Variants in GLG1 observed in about 807,000 individuals in gnomAD.
The protein encoded by GLG1 is Golgi apparatus protein 1.
Under a neutral mutation model 160.5 loss-of-function variants are expected in GLG1, and 38 were observed. The ratio of observed to expected loss-of-function variants is 0.24; its 90% CI spans 0.18 to 0.31. The LOEUF (loss-of-function observed/expected upper bound fraction) is 0.31. Among genes scored for constraint, GLG1 ranks in the 10% least tolerant of loss-of-function variants. The pLI, the probability that GLG1 is intolerant of heterozygous loss-of-function variation, is 1.00. For synonymous variants in GLG1, 644 were observed against 543.4 expected, an observed-to-expected ratio of 1.19 and a Z score of -2.57; for missense variants, 1,373 against 1,505.2, an observed-to-expected ratio of 0.91 and a Z score of 1.45.
chr16:74,578,281 A>G (rs1957860599), intron 1 of GLG1, among the ~76,000 whole-genome samples: 1 of 152,198 alleles, frequency 6.6e-6, no homozygotes, highest in African/African-American at 2.4e-5. Flanking sequence ...TGTAGAACTC[A>G]GCCAACTAAT....
chr16:74,494,687 G>C (rs2016123114), intron 6 of GLG1, 73 bp downstream of exon 6: 1 of 708,248 alleles, frequency 1.4e-6, no homozygotes, highest in Non-Finnish European at 2.5e-6. Flanking sequence ...TTACAGGCGT[G>C]AGCCACCGTG....
intron 1 of GLG1, among the ~76,000 whole-genome samples, chr16:74,565,777 A>C (rs1405817013): frequency 6.6e-6 from 1 of 152,192 alleles, no homozygotes; most frequent in East Asian, 1.9e-4. Flanking sequence ...AATTTGTCTG[A>C]AGTTTTTCTT....
Position 74,491,081 on chromosome 16 carries a change from G to C in GLG1, c.1369C>G (p.Arg457Gly), listed in dbSNP as rs1677044849. ...EIEHHCSGLH[R>G]KGRTLHCLMK... ...AGACAGTGTAGGGTCCGCCCTTTTC[G>C]ATGTAATCCGGAACAATGGTGTTCA... Residue 457 changes from arginine (R) to glycine (G), a missense_variant, in exon 8 of 26, where the codon CGA becomes GGA. Arg to Gly is a moderately radical substitution (Grantham distance 125, BLOSUM62 -2). Transcript: ENST00000422840. 2 of 1,614,010 alleles carry C rather than the reference G, an allele frequency of 1.2e-6. No individual in the cohort carries two copies. The highest frequency in any genetic ancestry group is 1.7e-6 in the Non-Finnish European group (2 of 1,179,940).
chr16:74,524,915 T>G (rs537012826), intron 2 of GLG1, among the ~76,000 whole-genome samples: 1 of 152,360 alleles, frequency 6.6e-6, no homozygotes, highest in Admixed American at 6.5e-5. Flanking sequence ...CTTTCTGTCT[T>G]TGTGTCCTTT....
chr16:74,496,633 T>C lies in GLG1; in HGVS notation c.786A>G (p.Ser262=), dbSNP rs1250138180. The C allele has an allele frequency of 3.1e-6, 5 of 1,607,970 alleles. No homozygotes were observed. Among genetic ancestry groups the C allele is most frequent in the Non-Finnish European group, 4.3e-6 (5 of 1,174,546 alleles). The change falls in exon 5 of 26, where the codon TCA becomes TCG. Residue 262 remains serine (S), a synonymous_variant. Transcript: ENST00000422840. ...CCAAGCATGATACCACCTCACCTTGTGAATGTGCATCCTAAAATAGCGAGG... is the reference window on the plus strand; with the variant it reads ...CCAAGCATGATACCACCTCACCTTGCGAATGTGCATCCTAAAATAGCGAGG... The part of the protein sequence containing the change: ...SIRLGEKDAH[S]QGEVVSCLEK...
Position 74,451,868 on chromosome 16 carries a change from A to T in GLG1, c.*1299T>A. 1 of 568,704 alleles carries T rather than the reference A, an allele frequency of 1.8e-6. No homozygotes were observed. Among genetic ancestry groups the T allele is most frequent in the Non-Finnish European group, 3.2e-6 (1 of 313,870 alleles). The allele number at this position is 568,704 out of a possible 1,614,324, so 35.2% of individuals were successfully genotyped here. ...CTTCTATAAAGCCCATATTCTGCAA[A>T]GGTTGATGAATCGCCAAAATACAAC... is the stretch of plus-strand genomic sequence containing the variant. On this transcript the variant is annotated 3_prime_UTR_variant, in exon 26 of 26. Transcript: ENST00000422840.
chr16:74,527,609 T>C (rs1298129795), intron 2 of GLG1, among the ~76,000 whole-genome samples: 1 of 152,166 alleles, frequency 6.6e-6, no homozygotes, highest in African/African-American at 2.4e-5. Flanking sequence ...ATTTTTCTCT[T>C]CTAGTGCTCC....
At chr16:74,522,173 T>C (rs2017185399) in intron 2 of GLG1, among the ~76,000 whole-genome samples, 1 of 152,238 alleles carries the variant, frequency 6.6e-6, no homozygotes, top group Admixed American at 6.5e-5. Context: ...TTCAAATACT[T>C]ATGAAAATGG....
chr16:74,508,762 AT>A (rs2016701912), intron 3 of GLG1, 76 bp downstream of exon 3: 1 of 702,556 alleles, frequency 1.4e-6, no homozygotes, highest in South Asian at 1.6e-5. Context: ...TAACTGAGTC[AT>A]TCTTCTCATA....
At chr16:74,604,114 A>G (rs1958507969) in intron 1 of GLG1, among the ~76,000 whole-genome samples, 1 of 152,134 alleles carries the variant, frequency 6.6e-6, no homozygotes, top group Admixed American at 6.6e-5. Context: ...TCTCAAACCC[A>G]GAAGACTGAG....
chr16:74,572,537 A>C (rs2018861629), intron 1 of GLG1, among the ~76,000 whole-genome samples: 1 of 151,656 alleles, frequency 6.6e-6, no homozygotes, highest in African/African-American at 2.4e-5. Flanking sequence ...CAAAAAAAAA[A>C]AAACACAAAA....
intron 1 of GLG1, among the ~76,000 whole-genome samples, chr16:74,575,212 C>T (rs1291979820): frequency 6.6e-6 from 1 of 151,818 alleles, no homozygotes; most frequent in Non-Finnish European, 1.5e-5. Context: ...CACCACTGCA[C>T]TCCAGCCTAG....
chr16:74,455,704 G>C lies in GLG1; in HGVS notation c.3372+945C>G, dbSNP rs146779222. ...GGGGTGGTCCTGGGATTACTCTCTT[G>C]ATCTTAGGCCACTGCAGATGTCTAT... On this transcript the variant is annotated intron_variant, in intron 25 of 25. Transcript: ENST00000422840. Among the ~76,000 whole-genome samples, 283 of 152,234 alleles carry C rather than the reference G, an allele frequency of 1.9e-3. 4 individuals are homozygous for C. In the South Asian group the frequency reaches 0.025, roughly 13 times the overall value.
chr16:74,527,581 T>A (rs912086139), intron 2 of GLG1, among the ~76,000 whole-genome samples: 1 of 152,032 alleles, frequency 6.6e-6, no homozygotes, highest in Non-Finnish European at 1.5e-5. Context: ...GAAAGAATAA[T>A]AGTCATACGT....
chr16:74,551,126 G>A (rs2018187081), intron 1 of GLG1, among the ~76,000 whole-genome samples: 1 of 152,054 alleles, frequency 6.6e-6, no homozygotes, highest in South Asian at 2.1e-4. Context: ...ACTAATCTCA[G>A]GAAAGCAATT....
At chr16:74,522,411 T>C (rs994037667) in intron 2 of GLG1, among the ~76,000 whole-genome samples, 8 of 152,272 alleles carry the variant, frequency 5.3e-5, no homozygotes, top group Non-Finnish European at 1.0e-4. Flanking sequence ...GTATTGGCAC[T>C]GTCAAGGTAC....
At chr16:74,523,938 C>T (rs767037279) in intron 2 of GLG1, among the ~76,000 whole-genome samples, 12 of 152,136 alleles carry the variant, frequency 7.9e-5, no homozygotes, top group Admixed American at 3.3e-4. Flanking sequence ...AGGCCAGGCG[C>T]GGTGGCTCAC....
At chr16:74,570,674 T>C (rs117386179) in intron 1 of GLG1, among the ~76,000 whole-genome samples, 2,935 of 152,174 alleles carry the variant, frequency 0.019, 39 homozygotes, top group Non-Finnish European at 0.028. Context: ...GGCAGGAGCA[T>C]CACTTGAGAT....
intron 6 of GLG1, 58 bp downstream of exon 6, chr16:74,494,702 G>T: frequency 1.2e-6 from 1 of 818,096 alleles, no homozygotes; most frequent in Non-Finnish European, 2.1e-6. Flanking sequence ...ACCGTGTCTG[G>T]CTGAGAAAGC....
Sources: gnomAD v4.1 joint callset for allele counts (sites outside exome capture counted in the v4.1 genomes callset) on GRCh38, gnomAD v4.1.1 for gene constraint, MANE v1.5 for transcripts, NCBI Gene and HGNC (gene_info 2026-07-23, HGNC 2026-07-21) for gene names.